ISM1: variants seen among roughly 807,000 people sequenced by gnomAD.
ISM1 encodes isthmin 1.
In ISM1, 25 loss-of-function variants were observed where a neutral mutation model predicts 46.3. The observed-to-expected ratio is 0.54, with a 90% CI of 0.39 to 0.75. The LOEUF is 0.75. ISM1 is among the 30% of genes least tolerant of loss of function. ISM1 has a pLI of 0.00. For missense variants in ISM1, 536 were observed against 625.4 expected, an observed-to-expected ratio of 0.86 and a Z score of 1.52; for synonymous variants, 255 against 256.7, an observed-to-expected ratio of 0.99 and a Z score of 0.06.
At chr20:13,304,104 C>T (rs535883532), downstream of ISM1, among the ~76,000 whole-genome samples, 1 of 152,304 alleles carries the variant, frequency 6.6e-6, no homozygotes, top group South Asian at 2.1e-4. Flanking sequence ...AGGTAGAAAG[C>T]AGGGAGAAAA....
intron 1 of ISM1, among the ~76,000 whole-genome samples, chr20:13,223,046 C>T (rs1368231277): frequency 1.3e-5 from 2 of 152,054 alleles, no homozygotes; most frequent in East Asian, 3.9e-4. Context: ...GCCTGTAGTC[C>T]CAGTTACTCG....
At chr20:13,312,644 A>G in the ISM1 span, among the ~76,000 whole-genome samples, 1 of 152,174 alleles carries the variant, frequency 6.6e-6, no homozygotes, top group African/African-American at 2.4e-5. Context: ...TGGGGCCATG[A>G]CAGTGGACTG....
intron 1 of ISM1, among the ~76,000 whole-genome samples, chr20:13,243,327 C>A (rs1260555305): frequency 6.6e-6 from 1 of 152,200 alleles, no homozygotes; most frequent in Non-Finnish European, 1.5e-5. Context: ...GCAGTCCCAG[C>A]TCAGAAGTGA....
intron 2 of ISM1, among the ~76,000 whole-genome samples, chr20:13,279,034 A>G (rs926558871): frequency 8.5e-5 from 13 of 152,188 alleles, no homozygotes; most frequent in African/African-American, 2.9e-4. Context: ...GACAGAGTGA[A>G]TCACATGGCT....
At chr20:13,296,501 T>C (rs1437730546) in intron 5 of ISM1, among the ~76,000 whole-genome samples, 2 of 152,174 alleles carry the variant, frequency 1.3e-5, no homozygotes. Flanking sequence ...TCTGCAAGCA[T>C]CTCAAGGTTA....
intron 1 of ISM1, among the ~76,000 whole-genome samples, chr20:13,234,785 G>A (rs138991584): frequency 3.7e-4 from 57 of 152,008 alleles, no homozygotes; most frequent in African/African-American, 9.4e-4. Context: ...GTCCTTTGTC[G>A]ACTTTTTAAC....
Position 13,221,710 on chromosome 20 carries a change from T to A in ISM1, c.-67T>A. The stretch of plus-strand genomic sequence containing the variant: ...CGGGCTCCCGGGCTCCTACTCCTCC[T>A]CCCCCGGCGTCACCGCCGCCGCCGC... On this transcript the variant is annotated 5_prime_UTR_variant, in exon 1 of 6. Transcript: ENST00000262487. 7.8e-7 allele frequency: 1 copy of A among 1,278,778 alleles called. No individual in the cohort carries two copies. Among genetic ancestry groups the A allele is most frequent in the Admixed American group, 3.9e-5 (1 of 25,858 alleles). The allele number at this position is 1,278,778 out of a possible 1,614,324, so 79.2% of individuals were successfully genotyped here.
At chr20:13,303,060 G>A (rs1298954410), downstream of ISM1, among the ~76,000 whole-genome samples, 1 of 152,200 alleles carries the variant, frequency 6.6e-6, no homozygotes, top group African/African-American at 2.4e-5. Context: ...TTTTACCACA[G>A]GAGACCGGCA....
intron 2 of ISM1, among the ~76,000 whole-genome samples, chr20:13,272,832 T>A (rs2040131127): frequency 6.6e-6 from 1 of 152,208 alleles, no homozygotes; most frequent in African/African-American, 2.4e-5. Context: ...TCATGGCTCA[T>A]CCATGTGTTT....
chr20:13,286,594 A>G (rs574782358), intron 3 of ISM1, among the ~76,000 whole-genome samples: 30 of 152,298 alleles, frequency 2.0e-4, no homozygotes, highest in African/African-American at 7.2e-4. Context: ...CGGGGGGCAG[A>G]TAAGATGGGA....
At chr20:13,321,253 TAAAAAAAAAAAA>T in the ISM1 span, among the ~76,000 whole-genome samples, 1 of 57,522 alleles carries the variant, frequency 1.7e-5, no homozygotes, top group Non-Finnish European at 3.2e-5. Context: ...GTGCCCCACA[TAAAAAAAAAAAA>T]AAAAAAAAAA....
the ISM1 span, among the ~76,000 whole-genome samples, chr20:13,310,856 A>G: frequency 7.2e-5 from 11 of 152,318 alleles, no homozygotes; most frequent in African/African-American, 2.4e-4. Context: ...AATTAAAACT[A>G]CAATAGGATA....
At chr20:13,318,943 T>C in the ISM1 span, among the ~76,000 whole-genome samples, 1 of 152,184 alleles carries the variant, frequency 6.6e-6, no homozygotes, top group Non-Finnish European at 1.5e-5. Context: ...GTTACTATAA[T>C]GGTTAATACA....
Position 13,299,771 on chromosome 20 carries a change from G to A in ISM1, c.*312G>A, listed in dbSNP as rs1025438342. On this transcript the variant is annotated 3_prime_UTR_variant, in exon 6 of 6. Transcript: ENST00000262487. This position sits in a 1 kb window ranked among gnomAD's most constrained non-coding sequence, Gnocchi z 5.8. ...AGTGGGTGCGACTCAATTCACACCC[G>A]GATCCAGAGTTTCAAAGAGAGGCAA... The A allele has an allele frequency of 1.1e-5, 3 of 270,422 alleles. No homozygotes were observed. Among genetic ancestry groups the A allele is most frequent in the African/African-American group, 2.1e-5 (1 of 46,964 alleles). The allele number at this position is 270,422 out of a possible 1,614,324, so 16.8% of individuals were successfully genotyped here.
intron 5 of ISM1, among the ~76,000 whole-genome samples, chr20:13,297,321 G>A (rs146759306): frequency 7.9e-5 from 12 of 152,236 alleles, no homozygotes; most frequent in South Asian, 4.1e-4. Flanking sequence ...TTCTCTATGC[G>A]GTTTCCCAGA....
the ISM1 span, among the ~76,000 whole-genome samples, chr20:13,311,874 C>T: frequency 4.4e-3 from 673 of 152,232 alleles, 3 homozygotes; most frequent in African/African-American, 0.015. Context: ...TATTGTACAG[C>T]ATGATGACTG....
intron 1 of ISM1, among the ~76,000 whole-genome samples, chr20:13,248,733 G>A (rs1430930069): frequency 6.6e-6 from 1 of 152,196 alleles, no homozygotes; most frequent in Non-Finnish European, 1.5e-5. Context: ...GGCATATGAT[G>A]ACTTTTGAGG....
chr20:13,319,248 A>C, the ISM1 span, among the ~76,000 whole-genome samples: 1 of 152,192 alleles, frequency 6.6e-6, no homozygotes, highest in East Asian at 1.9e-4. Flanking sequence ...AATTGCAGAA[A>C]ACCAAACAAG....
intron 1 of ISM1, among the ~76,000 whole-genome samples, chr20:13,246,653 C>T (rs1261204176): frequency 6.6e-6 from 1 of 152,222 alleles, no homozygotes; most frequent in Non-Finnish European, 1.5e-5. Context: ...AGTTTACCTA[C>T]TTGCCTGAAA....
Sources: allele counts gnomAD v4.1 joint callset (sites outside exome capture counted in the v4.1 genomes callset), GRCh38; gene constraint gnomAD v4.1.1; non-coding constraint Gnocchi (gnomAD v3.1); transcripts MANE v1.5; gene names NCBI Gene and HGNC (gene_info 2026-07-23, HGNC 2026-07-21).